The following NAXD variants were observed in gnomAD, a reference collection of about 807,000 sequenced individuals.
NAXD encodes ATP-dependent (S)-NAD(P)H-hydrate dehydratase.
A neutral mutation model predicts 35.8 loss-of-function variants in NAXD; 22 were observed. The observed-to-expected ratio is 0.62, with a 90% CI of 0.44 to 0.88. The LOEUF (loss-of-function observed/expected upper bound fraction) is 0.88. Among genes scored for constraint, NAXD ranks in the 40% least tolerant of loss-of-function variants. The pLI, the probability that NAXD is intolerant of heterozygous loss-of-function variation, is 0.00. For synonymous variants in NAXD, 189 were observed against 177.6 expected (o/e 1.06, Z -0.51); for missense variants, 428 against 437.7 (o/e 0.98, Z 0.20).
Position 110,638,254 on chromosome 13 carries a change from C to T in NAXD, c.840-124C>T. On this transcript the variant is annotated intron_variant, in intron 9 of 9. Transcript: ENST00000680254. This position sits in a 1 kb window ranked among gnomAD's most constrained non-coding sequence, Gnocchi z 5.4. ...GCTTTCTCCTCAGGGGCATATCAGACTTGAAATTGACAATTTGGGGTCCTG... is the reference window on the plus strand; with the variant it reads ...GCTTTCTCCTCAGGGGCATATCAGATTTGAAATTGACAATTTGGGGTCCTG... 1.3e-6 allele frequency: 2 copies of T among 1,575,608 alleles called. No homozygotes were observed. The highest frequency in any genetic ancestry group is 1.7e-6 in the Non-Finnish European group (2 of 1,161,698).
At chr13:110,633,565 T>C (rs566349099) in intron 5 of NAXD, among the ~76,000 whole-genome samples, 92 of 152,362 alleles carry the variant, frequency 6.0e-4, no homozygotes, top group Non-Finnish European at 1.1e-3. Flanking sequence ...GCGAGGGCTC[T>C]GAGGACTGCC....
Position 110,627,459 on chromosome 13 carries a change from A to G in NAXD, c.353A>G (p.His118Arg), listed in dbSNP as rs534898507. The G allele has an allele frequency of 6.2e-7, 1 of 1,613,970 alleles. No homozygotes were observed. The highest frequency in any genetic ancestry group is 1.7e-5 in the Admixed American group (1 of 60,016). The part of the protein sequence containing the change: ...HPVLDSPNAV[H>R]EVEKWLPRLH... ...TTTAGTGACAGCCCCAATGCTGTTC[A>G]TGAGGTGGAGAAGTGGCTGCCCCGG... Residue 118 changes from histidine to arginine, a missense_variant, in exon 5 of 10, where the codon CAT becomes CGT. Coordinates refer to ENST00000680254, the MANE Select transcript of NAXD (RefSeq NM_001242882.2).
chr13:110,617,117 G>T (rs777788764), intron 1 of NAXD, among the ~76,000 whole-genome samples: 1 of 152,178 alleles, frequency 6.6e-6, no homozygotes, highest in Non-Finnish European at 1.5e-5. Context: ...TTTACGAAAA[G>T]CCAGGTAGAG....
upstream of NAXD, chr13:110,615,533 G>T: frequency 7.6e-7 from 1 of 1,321,894 alleles, no homozygotes; most frequent in Non-Finnish European, 9.7e-7. Flanking sequence ...CGGGAAACCG[G>T]AAAACGCTTC....
At position 110,635,537 on chromosome 13, in the gene NAXD, G is replaced by A. The variant is rs781273519; in HGVS notation, c.667G>A (p.Val223Met). The A allele has an allele frequency of 3.7e-5, 59 of 1,614,048 alleles. No homozygotes were observed. Among genetic ancestry groups the A allele is most frequent in the Non-Finnish European group, 4.9e-5 (58 of 1,180,044 alleles). The change falls in exon 8 of 10, where the codon GTG becomes ATG. Residue 223 changes from valine (V) to methionine (M), a missense_variant. Val to Met is a conservative substitution (Grantham distance 21, BLOSUM62 1). Coordinates refer to ENST00000680254, the MANE Select transcript of NAXD (RefSeq NM_001242882.2). ...VLRLSQALGN[V>M]TVVQKGERDI... Reference sequence around the variant, plus strand: ...AAGACTCAGCCAAGCCCTGGGCAACGTGACGGTGGTCCAGAAAGGAGAGCG... The same window carrying A: ...AAGACTCAGCCAAGCCCTGGGCAACATGACGGTGGTCCAGAAAGGAGAGCG...
At chr13:110,620,578 CAA>C (rs34370844) in intron 1 of NAXD, among the ~76,000 whole-genome samples, 38 of 84,874 alleles carry the variant, frequency 4.5e-4, no homozygotes, top group Admixed American at 3.5e-4. Context: ...GACTCTGTCT[CAA>C]AAAAAAAAAA....
chr13:110,635,757 G>A (rs1886902717), intron 8 of NAXD, among the ~76,000 whole-genome samples, 169 bp downstream of exon 8: 1 of 151,718 alleles, frequency 6.6e-6, no homozygotes, highest in Non-Finnish European at 1.5e-5. Flanking sequence ...TCCATGTTTT[G>A]ACTTTTCACT....
chr13:110,632,312 C>A (rs1049733733), intron 5 of NAXD, among the ~76,000 whole-genome samples: 2 of 152,180 alleles, frequency 1.3e-5, no homozygotes, highest in African/African-American at 4.8e-5. Flanking sequence ...GTGACTGTTA[C>A]AGCTCATAAA....
rs1383905139 is a variant in NAXD at position 110,637,169 on chromosome 13, A to G, written c.759A>G (p.Gly253=). 1.9e-6 allele frequency: 3 copies of G among 1,613,956 alleles called. No homozygotes were observed. The South Asian group carries it at 3.3e-5, about 18-fold the overall frequency. The part of the protein sequence containing the change: ...CSQEGSSRRC[G]GQGDLLSGSL... ...AGGAAGGCAGCAGCCGCAGGTGTGG[A>G]GGGCAAGGGGACCTCCTGTCGGGCT... The change falls in exon 9 of 10, where the codon GGA becomes GGG. Residue 253 remains glycine, a synonymous_variant. Transcript: ENST00000680254.
chr13:110,619,395 C>T (rs1242176497), intron 1 of NAXD, among the ~76,000 whole-genome samples: 1 of 152,082 alleles, frequency 6.6e-6, no homozygotes, highest in Non-Finnish European at 1.5e-5. Flanking sequence ...GAGAAATACA[C>T]ATTTATGAAG....
chr13:110,637,466 G>A (rs1383558662), intron 9 of NAXD, among the ~76,000 whole-genome samples: 1 of 152,178 alleles, frequency 6.6e-6, no homozygotes, highest in East Asian at 1.9e-4. Flanking sequence ...GGGGCCTGGG[G>A]CAGGGGTGGT....
At chr13:110,636,694 C>T (rs560056063) in intron 8 of NAXD, among the ~76,000 whole-genome samples, 52 of 152,232 alleles carry the variant, frequency 3.4e-4, no homozygotes, top group Non-Finnish European at 6.3e-4. Flanking sequence ...GTGGAGGCCT[C>T]GCTCGGTGTT....
intron 1 of NAXD, among the ~76,000 whole-genome samples, 178 bp from the exon 2 acceptor site, chr13:110,622,036 GAA>G (rs140560266): frequency 0.11 from 16,969 of 149,106 alleles, 1,044 homozygotes; most frequent in Middle Eastern, 0.16. Context: ...TCTCAAAAAA[GAA>G]AAAAAAAATT....
Position 110,628,763 on chromosome 13 carries a change from G to A in NAXD, c.441+1216G>A, listed in dbSNP as rs1341774134. Among the ~76,000 whole-genome samples, 3 of 152,166 alleles carry A rather than the reference G, an allele frequency of 2.0e-5. No individual in the cohort carries two copies. The highest frequency in any genetic ancestry group is 6.5e-5 in the Admixed American group (1 of 15,268). ...TCCCCGGGGAGAGGCTCTCAATGGG[G>A]AGTCCCATCTGCAGGCTGCGGGTCT... On this transcript the variant is annotated intron_variant, in intron 5 of 9. Transcript: ENST00000680254. The surrounding 1 kb of genome is among the most constrained non-coding windows in gnomAD (Gnocchi z 4.1).
At chr13:110,618,777 C>A (rs1323179258) in intron 1 of NAXD, among the ~76,000 whole-genome samples, 2 of 152,180 alleles carry the variant, frequency 1.3e-5, no homozygotes, top group African/African-American at 4.8e-5. Flanking sequence ...AGCTTTAAAG[C>A]CTGTAGGTTT....
intron 2 of NAXD, 147 bp downstream of exon 2, chr13:110,622,513 A>G: frequency 1.4e-6 from 1 of 729,316 alleles, no homozygotes. Flanking sequence ...TCAGTGATCC[A>G]CTTTTTGATT....
At chr13:110,623,837 T>C (rs1017883615) in intron 2 of NAXD, among the ~76,000 whole-genome samples, 2 of 152,116 alleles carry the variant, frequency 1.3e-5, no homozygotes, top group South Asian at 2.1e-4. Context: ...ACCCTGTCCC[T>C]ACTAAAACTA....
At chr13:110,624,168 AT>A (rs1237263760) in intron 2 of NAXD, 65 bp from the exon 3 acceptor site, 21 of 881,434 alleles carry the variant, frequency 2.4e-5, no homozygotes, top group Non-Finnish European at 3.5e-5. Flanking sequence ...TTGATAACCT[AT>A]TTATTGATCA....
intron 8 of NAXD, among the ~76,000 whole-genome samples, chr13:110,636,700 G>A (rs1022160403): frequency 6.6e-6 from 1 of 152,240 alleles, no homozygotes; most frequent in Non-Finnish European, 1.5e-5. Context: ...GCCTCGCTCG[G>A]TGTTGCCCTG....
Sources: gnomAD v4.1 joint callset for allele counts (sites outside exome capture counted in the v4.1 genomes callset) on GRCh38, gnomAD v4.1.1 for gene constraint, Gnocchi (gnomAD v3.1) non-coding constraint, MANE v1.5 for transcripts, NCBI Gene and HGNC (gene_info 2026-07-23, HGNC 2026-07-21) for gene names.